Variants in RBFOX1 observed in about 807,000 individuals in gnomAD.
RBFOX1 encodes RNA binding protein fox-1 homolog 1.
In RBFOX1, 8 loss-of-function variants were observed where a neutral mutation model predicts 57.7. That is an observed-to-expected ratio of 0.14 (90% confidence interval 0.08 to 0.25). RBFOX1 has a LOEUF of 0.25. RBFOX1 is among the 10% of genes least tolerant of loss of function. The pLI is 1.00. For synonymous variants in RBFOX1, 326 were observed against 222.4 expected (o/e 1.47, Z -4.15); for missense variants, 611 against 548.5 (o/e 1.11, Z -1.14).
chr16:7,137,715 A>C (rs2072434611), intron 4 of RBFOX1, among the ~76,000 whole-genome samples: 2 of 152,118 alleles, frequency 1.3e-5, no homozygotes, highest in Admixed American at 1.3e-4. Flanking sequence ...CAGCAACTTA[A>C]CTCAAAGGAA....
chr16:6,295,390 C>T (rs1181910975), intron 1 of RBFOX1, among the ~76,000 whole-genome samples: 1 of 152,136 alleles, frequency 6.6e-6, no homozygotes, highest in Non-Finnish European at 1.5e-5. Context: ...TCCCAAAGTG[C>T]TGGGATTACA....
intron 4 of RBFOX1, among the ~76,000 whole-genome samples, chr16:7,344,317 A>C (rs2096953651): frequency 6.6e-6 from 1 of 150,472 alleles, no homozygotes; most frequent in South Asian, 2.1e-4. Context: ...GGCTAAAAAA[A>C]ACTGATAGAA....
intron 4 of RBFOX1, among the ~76,000 whole-genome samples, chr16:7,497,745 C>T (rs1012921956): frequency 6.6e-6 from 1 of 152,192 alleles, no homozygotes; most frequent in South Asian, 2.1e-4. Flanking sequence ...GAACTAGTTT[C>T]TTTCTGATCA....
At chr16:5,292,258 T>C (rs2063553385) in intron 1 of RBFOX1, among the ~76,000 whole-genome samples, 1 of 152,238 alleles carries the variant, frequency 6.6e-6, no homozygotes, top group Non-Finnish European at 1.5e-5. Context: ...CCCAGCTTGC[T>C]TTCATTTGAA....
In RBFOX1 at chr16:6,825,980, A is replaced by G. The variant is rs191144995; in HGVS notation, c.-16+171330A>G. Reference sequence around the variant, plus strand: ...TAACGATACGAGTTTCCATGTCTGCAAAAATGTTGAACCTTCTTTACATTT... The same window carrying G: ...TAACGATACGAGTTTCCATGTCTGCGAAAATGTTGAACCTTCTTTACATTT... On this transcript the variant is annotated intron_variant, in intron 3 of 15. Transcript: ENST00000550418. Among the ~76,000 whole-genome samples, 308 of 152,268 alleles carry G rather than the reference A, an allele frequency of 2.0e-3. 1 individual carries two copies. The highest frequency in any genetic ancestry group is 6.5e-3 in the African/African-American group (269 of 41,540).
intron 4 of RBFOX1, among the ~76,000 whole-genome samples, chr16:7,307,857 G>A (rs1457435406): frequency 1.3e-5 from 2 of 152,186 alleles, no homozygotes; most frequent in Admixed American, 1.3e-4. Flanking sequence ...TTGCTGTCCA[G>A]GGAAAGTCCC....
chr16:7,343,133 C>G (rs2096929673), intron 4 of RBFOX1, among the ~76,000 whole-genome samples: 1 of 152,096 alleles, frequency 6.6e-6, no homozygotes, highest in South Asian at 2.1e-4. Flanking sequence ...TTCCATGCAG[C>G]TCTGGCACAC....
chr16:6,897,903 C>T (rs1015812392), intron 3 of RBFOX1, among the ~76,000 whole-genome samples: 5 of 152,170 alleles, frequency 3.3e-5, no homozygotes, highest in Non-Finnish European at 7.3e-5. Context: ...CCCTGGAGCT[C>T]TTTCTGTGTC....
chr16:7,363,234 T>C (rs2097364555), intron 4 of RBFOX1, among the ~76,000 whole-genome samples: 1 of 152,186 alleles, frequency 6.6e-6, no homozygotes, highest in Non-Finnish European at 1.5e-5. Context: ...CTGGGTTCTT[T>C]GTCTGTTGTG....
At chr16:6,659,719 G>A (rs754971818) in intron 3 of RBFOX1, among the ~76,000 whole-genome samples, 9 of 152,234 alleles carry the variant, frequency 5.9e-5, no homozygotes, top group Non-Finnish European at 7.3e-5. Context: ...AGCTCTAGCT[G>A]GTTCACAGTG....
At chr16:6,721,506 C>T (rs1033455555) in intron 3 of RBFOX1, among the ~76,000 whole-genome samples, 4 of 152,100 alleles carry the variant, frequency 2.6e-5, no homozygotes, top group Non-Finnish European at 4.4e-5. Context: ...ATGTTAAATG[C>T]ATTCATATTT....
intron 1 of RBFOX1, among the ~76,000 whole-genome samples, chr16:6,291,680 G>C (rs941815197): frequency 2.0e-5 from 3 of 152,198 alleles, no homozygotes; most frequent in African/African-American, 7.2e-5. Flanking sequence ...TAAACATGCA[G>C]ATTAGCTGAG....
chr16:6,483,249 C>A (rs998136876), intron 2 of RBFOX1: 6 of 1,272,608 alleles, frequency 4.7e-6, no homozygotes, highest in Middle Eastern at 3.1e-4. Flanking sequence ...CCGTGGCCTC[C>A]CTTTGTGCGC....
chr16:7,330,296 T>C (rs912319756), intron 4 of RBFOX1, among the ~76,000 whole-genome samples: 4 of 151,838 alleles, frequency 2.6e-5, no homozygotes, highest in African/African-American at 9.7e-5. Flanking sequence ...CCTAATACAA[T>C]GTAAATGCTG....
intron 3 of RBFOX1, among the ~76,000 whole-genome samples, chr16:7,009,983 C>G (rs1352277303): frequency 6.6e-6 from 1 of 152,062 alleles, no homozygotes; most frequent in Non-Finnish European, 1.5e-5. Context: ...GGTAAGGCTT[C>G]CTGTGCTAAA....
intron 2 of RBFOX1, among the ~76,000 whole-genome samples, chr16:6,499,012 C>T (rs764921089): frequency 1.3e-5 from 2 of 152,198 alleles, no homozygotes; most frequent in East Asian, 3.9e-4. Flanking sequence ...TAAATTATTA[C>T]CATTCTATGA....
Position 5,495,172 on chromosome 16 carries a change from C to T in RBFOX1, c.258+27918C>T, listed in dbSNP as rs533711873. Among the ~76,000 whole-genome samples the T allele has an allele frequency of 3.3e-5, 5 of 152,260 alleles. No individual in the cohort carries two copies. In the South Asian group the frequency reaches 6.2e-4, roughly 19 times the overall value. ...AAGGGGAAGCAGGCACATCTTTACA[C>T]GGCAGATCAGGAGATCTAAGGTGTA... On this transcript the variant is annotated intron_variant, in intron 2 of 2. Coordinates refer to the RBFOX1 transcript ENST00000585867.
At chr16:6,812,523 G>T (rs2088958353) in intron 3 of RBFOX1, among the ~76,000 whole-genome samples, 1 of 152,008 alleles carries the variant, frequency 6.6e-6, no homozygotes, top group African/African-American at 2.4e-5. Context: ...ACAGGCACAT[G>T]ACACCACGCC....
chr16:6,963,381 AACAC>A (rs141982878), intron 3 of RBFOX1, among the ~76,000 whole-genome samples: 1 of 152,014 alleles, frequency 6.6e-6, no homozygotes, highest in Non-Finnish European at 1.5e-5. Context: ...TTAGAATTAA[AACAC>A]ACACACACAC....
Sources: gnomAD v4.1 joint callset for allele counts (sites outside exome capture counted in the v4.1 genomes callset) on GRCh38, gnomAD v4.1.1 for gene constraint, MANE v1.5 for transcripts, NCBI Gene and HGNC (gene_info 2026-07-23, HGNC 2026-07-21) for gene names.